The following TRIM49 variants were observed in gnomAD, a reference collection of about 807,000 sequenced individuals.
TRIM49 encodes tripartite motif containing 49, also known as tripartite motif-containing protein 49.
A neutral mutation model predicts 27.4 loss-of-function variants in TRIM49; 5 were observed. That is an observed-to-expected ratio of 0.18 (90% CI 0.10 to 0.38). The LOEUF (loss-of-function observed/expected upper bound fraction) is 0.38, where lower values mean the gene tolerates loss of function less well. Ranked by LOEUF, TRIM49 falls within the 10% of genes least tolerant of loss-of-function variation. TRIM49 has a pLI of 1.00. For synonymous variants in TRIM49, 69 were observed against 166.0 expected, an observed-to-expected ratio of 0.42 and a Z score of 4.49; for missense variants, 188 against 487.5, an observed-to-expected ratio of 0.39 and a Z score of 5.79.
chr11:89,805,744 G>T (rs866468436), intron 2 of TRIM49, among the ~76,000 whole-genome samples: 1 of 147,608 alleles, frequency 6.8e-6, no homozygotes, highest in Non-Finnish European at 1.5e-5. Flanking sequence ...TTGAGACAGA[G>T]TATCCTTCTG....
At chr11:89,790,949 C>T in the TRIM49 span, among the ~76,000 whole-genome samples, 11 of 151,996 alleles carry the variant, frequency 7.2e-5, no homozygotes, top group Non-Finnish European at 1.6e-4. Flanking sequence ...TCAAACTTCT[C>T]CAAGCTAAAG....
intron 2 of TRIM49, among the ~76,000 whole-genome samples, chr11:89,805,067 A>G (rs553606023): frequency 2.0e-5 from 3 of 151,814 alleles, no homozygotes; most frequent in African/African-American, 7.3e-5. Context: ...AACAAAATTT[A>G]AAAAAAAGCC....
At chr11:89,803,454 C>T (rs932994121) in intron 4 of TRIM49, among the ~76,000 whole-genome samples, 4 of 148,452 alleles carry the variant, frequency 2.7e-5, no homozygotes, top group African/African-American at 9.9e-5. Context: ...TGGTGTATAA[C>T]TATAGGTTTG....
the TRIM49 span, among the ~76,000 whole-genome samples, chr11:89,774,095 G>C: frequency 6.7e-6 from 1 of 148,580 alleles, no homozygotes; most frequent in Non-Finnish European, 1.5e-5. Flanking sequence ...CTGCCTCCCA[G>C]GTTCAAGTGA....
chr11:89,770,354 A>T, the TRIM49 span, among the ~76,000 whole-genome samples: 1 of 132,658 alleles, frequency 7.5e-6, no homozygotes, highest in African/African-American at 3.5e-5. Context: ...TTTCTCCTTT[A>T]TATCAGAAGC....
At chr11:89,793,942 C>A (rs1949672164), downstream of TRIM49, among the ~76,000 whole-genome samples, 1 of 150,870 alleles carries the variant, frequency 6.6e-6, no homozygotes, top group African/African-American at 2.4e-5. Flanking sequence ...AAGAGGAAGT[C>A]AAATTGTCCC....
At chr11:89,804,023 C>G (rs776079745) in intron 3 of TRIM49, 36 bp downstream of exon 3, 1 of 1,610,896 alleles carries the variant, frequency 6.2e-7, no homozygotes, top group Non-Finnish European at 8.5e-7. Flanking sequence ...TTTTATGCTT[C>G]CTTTACAGAA....
the TRIM49 span, among the ~76,000 whole-genome samples, chr11:89,783,800 C>T: frequency 1.4e-5 from 2 of 145,506 alleles, 1 homozygote; most frequent in Non-Finnish European, 3.0e-5. Context: ...ACAAAGACCA[C>T]AAATTTGAAA....
intron 4 of TRIM49, among the ~76,000 whole-genome samples, chr11:89,802,358 T>G (rs1235958019): frequency 6.6e-6 from 1 of 150,500 alleles, no homozygotes; most frequent in African/African-American, 2.5e-5. Flanking sequence ...TCCAGCTAAG[T>G]GCATTTCGCT....
At chr11:89,792,748 T>G (rs1209800104), downstream of TRIM49, among the ~76,000 whole-genome samples, 8 of 151,952 alleles carry the variant, frequency 5.3e-5, no homozygotes, top group Non-Finnish European at 1.2e-4. Flanking sequence ...TAAAGCAGTG[T>G]GTGGAGGGAA....
the TRIM49 span, chr11:89,777,182 T>G: frequency 6.5e-7 from 1 of 1,548,642 alleles, no homozygotes; most frequent in Non-Finnish European, 8.7e-7. Flanking sequence ...AACACCAATG[T>G]GGTACTCAAA....
chr11:89,791,299 T>A, the TRIM49 span, among the ~76,000 whole-genome samples: 30 of 151,184 alleles, frequency 2.0e-4, no homozygotes, highest in Non-Finnish European at 2.7e-4. Context: ...GGAGTATGGA[T>A]ACGAGTTGGA....
chr11:89,806,305 C>T (rs1949789244), intron 2 of TRIM49, among the ~76,000 whole-genome samples: 1 of 150,962 alleles, frequency 6.6e-6, no homozygotes, highest in Middle Eastern at 3.4e-3. Context: ...ATGAATGTAT[C>T]TGCACACATA....
intron 2 of TRIM49, among the ~76,000 whole-genome samples, chr11:89,806,171 G>C (rs1243088462): frequency 6.7e-6 from 1 of 150,118 alleles, no homozygotes; most frequent in Non-Finnish European, 1.5e-5. Context: ...GTAGGCAACT[G>C]TAACACAATG....
intron 2 of TRIM49, among the ~76,000 whole-genome samples, chr11:89,805,683 A>C (rs1949783571): frequency 6.7e-6 from 1 of 149,316 alleles, no homozygotes; most frequent in South Asian, 2.1e-4. Context: ...GGACAGATGT[A>C]TGTTCTGAGA....
At chr11:89,768,496 T>C in the TRIM49 span, among the ~76,000 whole-genome samples, 24,105 of 125,412 alleles carry the variant, frequency 0.19, 4,011 homozygotes, top group East Asian at 0.4. Context: ...CTCTCCCTAT[T>C]TGCCACCAAA....
At chr11:89,790,422 A>G in the TRIM49 span, among the ~76,000 whole-genome samples, 1 of 151,012 alleles carries the variant, frequency 6.6e-6, no homozygotes, top group Non-Finnish European at 1.5e-5. Flanking sequence ...TTCTCCCAGC[A>G]CAGAGTTTGA....
chr11:89,803,846 G>C, intron 3 of TRIM49, 53 bp from the exon 4 acceptor site: 1 of 894,126 alleles, frequency 1.1e-6, no homozygotes, highest in Non-Finnish European at 1.7e-6. Flanking sequence ...CATAGGGAGG[G>C]GGCCCAGAAT....
At chr11:89,773,931 C>G in the TRIM49 span, among the ~76,000 whole-genome samples, 2 of 135,218 alleles carry the variant, frequency 1.5e-5, no homozygotes, top group Non-Finnish European at 3.0e-5. Context: ...AGCAAGATAC[C>G]GTCTCAAAAG....
Sources: allele counts gnomAD v4.1 joint callset (sites outside exome capture counted in the v4.1 genomes callset), GRCh38; gene constraint gnomAD v4.1.1; transcripts MANE v1.5; gene names NCBI Gene and HGNC (gene_info 2026-07-23, HGNC 2026-07-21).